ANKIB1: variants seen among roughly 807,000 people sequenced by gnomAD.
ANKIB1 encodes the protein ankyrin repeat and IBR domain containing 1.
A neutral mutation model predicts 122.1 loss-of-function variants in ANKIB1; 43 were observed. The ratio of observed to expected loss-of-function variants is 0.35; its 90% CI spans 0.28 to 0.45. ANKIB1 has a LOEUF of 0.45. Among genes scored for constraint, ANKIB1 ranks in the 20% least tolerant of loss-of-function variants. The pLI, the probability that ANKIB1 is intolerant of heterozygous loss-of-function variation, is 1.00. For synonymous variants in ANKIB1, 390 were observed against 442.0 expected (o/e 0.88, Z 1.48); for missense variants, 992 against 1,329.5 (o/e 0.75, Z 3.95).
chr7:92,362,803 A>G (rs1362386189), intron 10 of ANKIB1, among the ~76,000 whole-genome samples: 1 of 152,240 alleles, frequency 6.6e-6, no homozygotes, highest in African/African-American at 2.4e-5. Flanking sequence ...TATGAGGTTG[A>G]TGTTAGTAAT....
At chr7:92,312,375 C>T (rs571103337) in intron 3 of ANKIB1, among the ~76,000 whole-genome samples, 1 of 152,140 alleles carries the variant, frequency 6.6e-6, no homozygotes, top group East Asian at 1.9e-4. Flanking sequence ...ACTAAAGCAC[C>T]TGAAATTCTA....
intron 5 of ANKIB1, among the ~76,000 whole-genome samples, chr7:92,335,837 TG>T (rs1446418855): frequency 1.3e-5 from 2 of 152,044 alleles, no homozygotes; most frequent in Non-Finnish European, 2.9e-5. Flanking sequence ...CTTTATTTTT[TG>T]TTCTCTGTTC....
intron 9 of ANKIB1, among the ~76,000 whole-genome samples, chr7:92,358,538 C>CT (rs34422207): frequency 0.33 from 43,887 of 132,412 alleles, 7,247 homozygotes; most frequent in Non-Finnish European, 0.37. Flanking sequence ...GAAGAAGTGG[C>CT]TTTTTTTTTT....
At chr7:92,336,765 G>A (rs1313616553) in intron 5 of ANKIB1, among the ~76,000 whole-genome samples, 2 of 152,066 alleles carry the variant, frequency 1.3e-5, no homozygotes, top group Non-Finnish European at 1.5e-5. Flanking sequence ...AGAAAAACTT[G>A]TACAAATAGA....
chr7:92,392,063 ACT>A (rs1193325225), intron 16 of ANKIB1, among the ~76,000 whole-genome samples, 176 bp from the exon 17 acceptor site: 1 of 152,176 alleles, frequency 6.6e-6, no homozygotes, highest in Non-Finnish European at 1.5e-5. Flanking sequence ...AAACATAAAA[ACT>A]TAGAATTTGG....
At chr7:92,315,419 A>G (rs73414039) in intron 3 of ANKIB1, among the ~76,000 whole-genome samples, 5,190 of 152,308 alleles carry the variant, frequency 0.034, 257 homozygotes, top group African/African-American at 0.11. Context: ...CATAGAGTTG[A>G]CAGCTAAAAG....
chr7:92,385,728 T>A (rs1804625648), intron 11 of ANKIB1, among the ~76,000 whole-genome samples: 1 of 152,082 alleles, frequency 6.6e-6, no homozygotes, highest in Non-Finnish European at 1.5e-5. Context: ...CTGGGGCCTG[T>A]CGTGGTGTGG....
At chr7:92,299,211 A>G (rs1289928068) in intron 2 of ANKIB1, among the ~76,000 whole-genome samples, 1 of 152,226 alleles carries the variant, frequency 6.6e-6, no homozygotes, top group African/African-American at 2.4e-5. Flanking sequence ...CAACTTCTCA[A>G]CACAGACTTT....
intron 8 of ANKIB1, 28 bp from the exon 9 acceptor site, chr7:92,352,448 T>C: frequency 6.2e-7 from 1 of 1,608,634 alleles, no homozygotes; most frequent in African/African-American, 1.3e-5. Flanking sequence ...ATATTTTCTT[T>C]TGTGTTTTGT....
chr7:92,398,419 G>A lies in ANKIB1; in HGVS notation c.2740G>A (p.Glu914Lys), dbSNP rs2115732555. 6.2e-7 allele frequency: 1 copy of A among 1,613,710 alleles called. No individual in the cohort carries two copies. The highest frequency in any genetic ancestry group is 2.2e-5 in the East Asian group (1 of 44,820). Residue 914 changes from glutamate (E) to lysine (K), a missense_variant, in exon 20 of 20, where the codon GAG (glutamate) becomes AAG (lysine). By Grantham distance (56) the Glu-to-Lys change is moderately conservative. This residue lies in a region of ANKIB1 where 384 missense variants were observed against 412.0 expected (regional missense o/e 0.93). Transcript: ENST00000265742. Reference protein sequence around the residue: ...DSPRAALSSSELLELGDSLMR... With the variant: ...DSPRAALSSSKLLELGDSLMR... ...CCCTCGGGCTGCATTGAGCAGCTCT[G>A]AGCTTTTGGAACTTGGTGACAGCCT...
intron 11 of ANKIB1, among the ~76,000 whole-genome samples, chr7:92,379,523 T>C (rs1804463099): frequency 6.6e-6 from 1 of 151,992 alleles, no homozygotes; most frequent in African/African-American, 2.4e-5. Context: ...TCAAACAGTG[T>C]AGTGCTGGCA....
intron 11 of ANKIB1, among the ~76,000 whole-genome samples, chr7:92,382,917 TAAAAACCCCTTTAA>T (rs1247104165): frequency 6.6e-6 from 1 of 151,868 alleles, no homozygotes; most frequent in African/African-American, 2.4e-5. Flanking sequence ...GATGGAGACA[TAAAAACCCCTTTAA>T]AAAAATCAAT....
chr7:92,344,024 T>C (rs1343732548), intron 6 of ANKIB1, among the ~76,000 whole-genome samples: 1 of 152,088 alleles, frequency 6.6e-6, no homozygotes, highest in Non-Finnish European at 1.5e-5. Flanking sequence ...CTGTGCCTTT[T>C]TGGAAAACAG....
intron 11 of ANKIB1, among the ~76,000 whole-genome samples, chr7:92,384,674 G>C (rs973432119): frequency 6.6e-6 from 1 of 152,134 alleles, no homozygotes; most frequent in Non-Finnish European, 1.5e-5. Context: ...GGGAAAACTG[G>C]CTACCCATAT....
At chr7:92,357,373 G>A (rs537633773) in intron 9 of ANKIB1, among the ~76,000 whole-genome samples, 2 of 152,150 alleles carry the variant, frequency 1.3e-5, no homozygotes, top group Middle Eastern at 3.4e-3. Context: ...GACATTTTGA[G>A]ATGCAGTTTC....
chr7:92,373,474 G>A (rs553570903), intron 11 of ANKIB1, among the ~76,000 whole-genome samples: 20 of 152,242 alleles, frequency 1.3e-4, no homozygotes, highest in Admixed American at 3.9e-4. Context: ...CTTTGCTTAA[G>A]CTTCTGTTGC....
intron 1 of ANKIB1, among the ~76,000 whole-genome samples, chr7:92,269,609 T>A (rs189235746): frequency 2.0e-3 from 300 of 152,324 alleles, no homozygotes; most frequent in African/African-American, 6.8e-3. Flanking sequence ...TGTTATAGAC[T>A]AGAATTATTC....
chr7:92,399,027 A>G lies in ANKIB1; in HGVS notation c.*78A>G. ...TGGAGTATGCTTGATAGAGACTTTG[A>G]TTCACTTAATTCCAACTCAGTGATA... is the stretch of plus-strand genomic sequence containing the variant. On this transcript the variant is annotated 3_prime_UTR_variant, in exon 20 of 20. Coordinates refer to ENST00000265742, the MANE Select transcript of ANKIB1 (RefSeq NM_019004.2). 7.1e-7 allele frequency: 1 copy of G among 1,415,568 alleles called. No homozygotes were observed. The highest frequency in any genetic ancestry group is 9.3e-7 in the Non-Finnish European group (1 of 1,074,718). The allele number at this position is 1,415,568 out of a possible 1,614,324, so 87.7% of individuals were successfully genotyped here.
At chr7:92,308,468 G>A (rs1489381209) in intron 3 of ANKIB1, among the ~76,000 whole-genome samples, 1 of 152,070 alleles carries the variant, frequency 6.6e-6, no homozygotes, top group Non-Finnish European at 1.5e-5. Context: ...AGCTCACTAA[G>A]CAATGGATAA....
Sources: gnomAD v4.1 joint callset for allele counts (sites outside exome capture counted in the v4.1 genomes callset) on GRCh38, gnomAD v4.1.1 for gene constraint, gnomAD v4.1.1 regional missense constraint, MANE v1.5 for transcripts, NCBI Gene and HGNC (gene_info 2026-07-23, HGNC 2026-07-21) for gene names.